Variants in PCDH15 observed in about 807,000 individuals in gnomAD.
PCDH15 encodes protocadherin related 15, also known as protocadherin-15.
Under a neutral mutation model 178.5 loss-of-function variants are expected in PCDH15, and 129 were observed. The observed-to-expected ratio is 0.72, with a 90% CI of 0.63 to 0.84. PCDH15 has a LOEUF of 0.84. Ranked by LOEUF, PCDH15 falls within the 40% of genes least tolerant of loss-of-function variation. The pLI, the probability that PCDH15 is intolerant of heterozygous loss-of-function variation, is 0.00. For synonymous variants in PCDH15, 800 were observed against 732.0 expected (o/e 1.09, Z -1.50); for missense variants, 2,230 against 2,099.9 (o/e 1.06, Z -1.21).
At chr10:54,614,787 G>A (rs912226104) in intron 2 of PCDH15, among the ~76,000 whole-genome samples, 1 of 151,736 alleles carries the variant, frequency 6.6e-6, no homozygotes, top group African/African-American at 2.4e-5. Flanking sequence ...AAGGGTTTGG[G>A]ATCAAAGAGT....
Position 54,346,488 on chromosome 10 carries a change from A to C in PCDH15, c.475-4T>G. 1.2e-6 allele frequency: 2 copies of C among 1,613,430 alleles called. No individual in the cohort carries two copies. Among genetic ancestry groups the C allele is most frequent in the Non-Finnish European group, 1.7e-6 (2 of 1,179,828 alleles). ...TTGTGGTACCAACTGGAGTGAGCTG[A>C]AAGGAAAAAAGATTTTAAATATCAA... On this transcript the variant is annotated splice_polypyrimidine_tract_variant and splice_region_variant and intron_variant, in intron 5 of 37. Transcript: ENST00000644397.
At chr10:55,263,368 G>A (rs998317045) in intron 1 of PCDH15, among the ~76,000 whole-genome samples, 8 of 152,320 alleles carry the variant, frequency 5.3e-5, no homozygotes, top group African/African-American at 1.9e-4. Context: ...CAGCAGCCAA[G>A]GGTGCAAATC....
chr10:54,373,008 C>A (rs192005042), intron 4 of PCDH15, among the ~76,000 whole-genome samples: 1 of 151,466 alleles, frequency 6.6e-6, no homozygotes, highest in Non-Finnish European at 1.5e-5. Context: ...AATTTTGTAA[C>A]TCTGAAAAAG....
intron 1 of PCDH15, among the ~76,000 whole-genome samples, chr10:54,796,268 A>ATCTATCTATCTATCTT (rs1554796123): frequency 8.3e-6 from 1 of 120,862 alleles, no homozygotes; most frequent in African/African-American, 3.4e-5. Context: ...CTATCTATCT[A>ATCTATCTATCTATCTT]TCTATGTATC....
intron 2 of PCDH15, among the ~76,000 whole-genome samples, chr10:54,640,782 C>A (rs925545884): frequency 2.6e-5 from 4 of 151,970 alleles, no homozygotes; most frequent in Non-Finnish European, 4.4e-5. Flanking sequence ...TTCACGATGC[C>A]TTTTTAAGAG....
intron 2 of PCDH15, among the ~76,000 whole-genome samples, chr10:54,555,786 AAG>A (rs869215657): frequency 8.6e-5 from 12 of 140,184 alleles, no homozygotes; most frequent in Admixed American, 2.3e-4. Context: ...AAGGAAAAAA[AAG>A]AATCACCCAT....
rs1428890137 is a variant in PCDH15, at chr10:55,353,350, A to C, written c.-155-186699T>G. On this transcript the variant is annotated intron_variant, in intron 2 of 5. Coordinates refer to the PCDH15 transcript ENST00000613346. ...ATAATGACTTAAAATTCATGGTCTG[A>C]AACCGCAATTACTTTTGCACCAACC... Among the ~76,000 whole-genome samples, 3 of 152,188 alleles carry C rather than the reference A, an allele frequency of 2.0e-5. No individual in the cohort carries two copies. The East Asian group carries it at 5.8e-4, about 29-fold the overall frequency.
intron 2 of PCDH15, among the ~76,000 whole-genome samples, chr10:54,916,462 T>C (rs377075139): frequency 6.6e-6 from 1 of 152,184 alleles, no homozygotes; most frequent in Non-Finnish European, 1.5e-5. Context: ...CTGGTATCTG[T>C]CTGAATAGCC....
At chr10:54,981,833 T>A (rs1347073744) in intron 2 of PCDH15, among the ~76,000 whole-genome samples, 1 of 152,062 alleles carries the variant, frequency 6.6e-6, no homozygotes, top group Non-Finnish European at 1.5e-5. Context: ...TGCAGTGCAG[T>A]GGCCCAATCA....
chr10:55,128,461 T>G (rs1423273204), intron 2 of PCDH15, among the ~76,000 whole-genome samples: 1 of 152,056 alleles, frequency 6.6e-6, no homozygotes, highest in Non-Finnish European at 1.5e-5. Context: ...CCTCATGCTC[T>G]CTCATGTAGC....
rs192958915 is a variant in PCDH15 at position 55,222,191 on chromosome 10, T to C, written c.-155-55540A>G. ...CGCCCAGCCTATATAATTTAATTTT[T>C]AATTATTTCCCTGTTTAACAACATG... is the stretch of plus-strand genomic sequence containing the variant. On this transcript the variant is annotated intron_variant, in intron 1 of 5. Transcript: ENST00000458638. 2.8e-3 allele frequency among the ~76,000 whole-genome samples: 428 copies of C among 152,120 alleles called. 2 individuals are homozygous for C. Among genetic ancestry groups the C allele is most frequent in the African/African-American group, 9.8e-3 (408 of 41,430 alleles).
chr10:54,250,845 T>A (rs540186912), intron 8 of PCDH15, among the ~76,000 whole-genome samples: 3 of 152,198 alleles, frequency 2.0e-5, no homozygotes, highest in African/African-American at 2.4e-5. Context: ...AATCTCTCTC[T>A]CACACACACA....
chr10:54,242,272 T>G lies in PCDH15; in HGVS notation c.877-5341A>C, dbSNP rs541944357. On this transcript the variant is annotated intron_variant, in intron 8 of 37. Coordinates refer to ENST00000644397, the MANE Select transcript of PCDH15 (RefSeq NM_001384140.1). ...CCCAAAAGATTAAGAAGCCTTTTTG[T>G]AGATTTAATAAAATCTCAGCTTTCT... Among the ~76,000 whole-genome samples, 46 of 149,256 alleles carry G rather than the reference T, an allele frequency of 3.1e-4. 1 individual carries two copies. In the East Asian group the frequency reaches 7.9e-3, roughly 26 times the overall value.
At chr10:54,035,462 T>C (rs2093394887) in intron 18 of PCDH15, among the ~76,000 whole-genome samples, 1 of 151,908 alleles carries the variant, frequency 6.6e-6, no homozygotes, top group South Asian at 2.1e-4. Flanking sequence ...TCTTTTAAGT[T>C]ACTATTGTGG....
chr10:53,903,101 T>C, intron 26 of PCDH15, 142 bp downstream of exon 26: 1 of 855,606 alleles, frequency 1.2e-6, no homozygotes, highest in Non-Finnish European at 1.8e-6. Flanking sequence ...TGAGTTTAGA[T>C]AACTAAACTA....
intron 2 of PCDH15, among the ~76,000 whole-genome samples, chr10:54,993,315 T>G (rs1839551761): frequency 6.6e-6 from 1 of 152,180 alleles, no homozygotes; most frequent in Admixed American, 6.5e-5. Context: ...ACTGAAAGCT[T>G]CTGAGGTTGG....
chr10:55,599,914 G>A (rs1040169810), intron 2 of PCDH15: 10 of 1,525,166 alleles, frequency 6.6e-6, no homozygotes, highest in African/African-American at 2.8e-5. Context: ...CCACACCAGG[G>A]TTTAGCTGTC....
chr10:54,014,627 G>A (rs75046684), intron 20 of PCDH15, among the ~76,000 whole-genome samples: 11 of 152,180 alleles, frequency 7.2e-5, no homozygotes, highest in Non-Finnish European at 1.3e-4. Flanking sequence ...CAACAGAAGT[G>A]ATTCACCACA....
At chr10:55,590,627 TTGTC>T (rs1396172915) in intron 2 of PCDH15, among the ~76,000 whole-genome samples, 1 of 152,140 alleles carries the variant, frequency 6.6e-6, no homozygotes, top group African/African-American at 2.4e-5. Context: ...GCAGAAATAT[TTGTC>T]TGTAGTTTTT....
Sources: allele counts gnomAD v4.1 joint callset (sites outside exome capture counted in the v4.1 genomes callset), GRCh38; gene constraint gnomAD v4.1.1; transcripts MANE v1.5; gene names NCBI Gene and HGNC (gene_info 2026-07-23, HGNC 2026-07-21).